CNTNAP5: variants seen among roughly 807,000 people sequenced by gnomAD.
CNTNAP5 encodes contactin-associated protein-like 5.
In CNTNAP5, 72 loss-of-function variants were observed where a neutral mutation model predicts 150.2. That is an observed-to-expected ratio of 0.48 (90% CI 0.40 to 0.58). The LOEUF (loss-of-function observed/expected upper bound fraction) is 0.58. Ranked by LOEUF, CNTNAP5 falls within the 20% of genes least tolerant of loss-of-function variation. The pLI, the probability that CNTNAP5 is intolerant of heterozygous loss-of-function variation, is 0.00. For missense variants in CNTNAP5, 1,636 were observed against 1,626.2 expected, an observed-to-expected ratio of 1.01 and a Z score of -0.10; for synonymous variants, 672 against 619.8, an observed-to-expected ratio of 1.08 and a Z score of -1.25.
chr2:124,130,769 C>CAACCCT (rs1683825297), intron 1 of CNTNAP5, among the ~76,000 whole-genome samples: 2 of 151,984 alleles, frequency 1.3e-5, no homozygotes, highest in South Asian at 2.1e-4. Flanking sequence ...ACTAGGCCAC[C>CAACCCT]AACCCTAATC....
chr2:124,238,743 C>T (rs570439754), intron 2 of CNTNAP5, among the ~76,000 whole-genome samples: 1 of 152,286 alleles, frequency 6.6e-6, no homozygotes, highest in Admixed American at 6.5e-5. Context: ...GTTATACCCC[C>T]AATTTAGAGA....
At chr2:124,525,656 T>G (rs1694947582) in intron 9 of CNTNAP5, among the ~76,000 whole-genome samples, 1 of 152,120 alleles carries the variant, frequency 6.6e-6, no homozygotes, top group Non-Finnish European at 1.5e-5. Flanking sequence ...TGGCTTGATT[T>G]TAGGGTGAGG....
At chr2:124,280,808 T>C (rs1687994434) in intron 3 of CNTNAP5, among the ~76,000 whole-genome samples, 1 of 152,126 alleles carries the variant, frequency 6.6e-6, no homozygotes, top group African/African-American at 2.4e-5. Context: ...TAAACAATTC[T>C]AAAAATAACA....
chr2:124,747,172 C>G, intron 13 of CNTNAP5, 57 bp from the exon 14 acceptor site: 1 of 1,551,136 alleles, frequency 6.4e-7, no homozygotes, highest in Non-Finnish European at 8.8e-7. Flanking sequence ...TCTGTGCCAT[C>G]CCCTGTGTTA....
chr2:124,415,833 A>T (rs1691904014), intron 3 of CNTNAP5, among the ~76,000 whole-genome samples: 1 of 152,138 alleles, frequency 6.6e-6, no homozygotes, highest in African/African-American at 2.4e-5. Flanking sequence ...TTATAATGAT[A>T]CATTTTTTGC....
chr2:124,227,082 C>T (rs897999997), intron 2 of CNTNAP5, among the ~76,000 whole-genome samples: 5 of 152,060 alleles, frequency 3.3e-5, no homozygotes, highest in South Asian at 2.1e-4. Flanking sequence ...ACAGGACAAA[C>T]GTTCAAGTTA....
intron 2 of CNTNAP5, among the ~76,000 whole-genome samples, chr2:124,230,736 T>A (rs1045506382): frequency 6.6e-6 from 1 of 152,110 alleles, no homozygotes; most frequent in South Asian, 2.1e-4. Context: ...TTCACCATAT[T>A]GGTCAGACTG....
intron 19 of CNTNAP5, among the ~76,000 whole-genome samples, chr2:124,815,125 A>G (rs1230047526): frequency 6.6e-6 from 1 of 152,210 alleles, no homozygotes; most frequent in Non-Finnish European, 1.5e-5. Context: ...ATAACTAAGT[A>G]AGCCTGGGTG....
intron 7 of CNTNAP5, among the ~76,000 whole-genome samples, chr2:124,491,565 A>G (rs1694028112): frequency 6.6e-6 from 1 of 152,108 alleles, no homozygotes; most frequent in Non-Finnish European, 1.5e-5. Flanking sequence ...GAGAGTGCGC[A>G]TATCTCTTTG....
intron 1 of CNTNAP5, among the ~76,000 whole-genome samples, chr2:124,192,154 T>G (rs1408625347): frequency 1.3e-5 from 2 of 152,200 alleles, no homozygotes; most frequent in African/African-American, 4.8e-5. Flanking sequence ...CCTGGGATCC[T>G]AGACTTTCTC....
chr2:124,285,335 T>G (rs1161195574), intron 3 of CNTNAP5, among the ~76,000 whole-genome samples: 1 of 152,190 alleles, frequency 6.6e-6, no homozygotes, highest in East Asian at 1.9e-4. Flanking sequence ...AGCTCCCTTT[T>G]CATAGAGTTA....
intron 3 of CNTNAP5, among the ~76,000 whole-genome samples, chr2:124,271,886 T>G (rs763763830): frequency 3.9e-5 from 6 of 152,004 alleles, no homozygotes; most frequent in Admixed American, 6.6e-5. Context: ...AGCTAATTTT[T>G]GTGTTTTTAG....
chr2:124,571,673 C>G (rs1381337451), intron 11 of CNTNAP5, among the ~76,000 whole-genome samples: 1 of 151,220 alleles, frequency 6.6e-6, no homozygotes, highest in African/African-American at 2.4e-5. Context: ...GCTAGGATTA[C>G]AGGCACAGGC....
intron 1 of CNTNAP5, among the ~76,000 whole-genome samples, chr2:124,162,542 C>T (rs1573802256): frequency 1.3e-5 from 2 of 152,232 alleles, no homozygotes; most frequent in East Asian, 3.9e-4. Flanking sequence ...AAACCCTTAT[C>T]ATTGATTTGG....
intron 4 of CNTNAP5, among the ~76,000 whole-genome samples, chr2:124,433,755 A>G (rs1692452323): frequency 6.6e-6 from 1 of 152,194 alleles, no homozygotes; most frequent in African/African-American, 2.4e-5. Flanking sequence ...TAGAATCTCT[A>G]TTAGATTTTT....
At chr2:124,584,784 A>G (rs188454653) in intron 11 of CNTNAP5, among the ~76,000 whole-genome samples, 1 of 152,370 alleles carries the variant, frequency 6.6e-6, no homozygotes, top group Non-Finnish European at 1.5e-5. Context: ...CCACTAGGAT[A>G]GCCCTTATTA....
At chr2:124,691,752 G>A (rs1679305125) in intron 13 of CNTNAP5, among the ~76,000 whole-genome samples, 1 of 151,876 alleles carries the variant, frequency 6.6e-6, no homozygotes, top group African/African-American at 2.4e-5. Flanking sequence ...CTGTGATCTG[G>A]AACTTCTGCA....
At chr2:124,524,865 G>A (rs1367304790) in intron 9 of CNTNAP5, among the ~76,000 whole-genome samples, 1 of 152,138 alleles carries the variant, frequency 6.6e-6, no homozygotes, top group Non-Finnish European at 1.5e-5. Flanking sequence ...AGCATGCTTA[G>A]CACCCAGGCC....
At chr2:124,227,770 G>T (rs1686500911) in intron 2 of CNTNAP5, among the ~76,000 whole-genome samples, 1 of 151,660 alleles carries the variant, frequency 6.6e-6, no homozygotes, top group Admixed American at 6.6e-5. Flanking sequence ...CATTTGGTGA[G>T]GGTGGGGGGA....
Sources: gnomAD v4.1 joint callset for allele counts (sites outside exome capture counted in the v4.1 genomes callset) on GRCh38, gnomAD v4.1.1 for gene constraint, MANE v1.5 for transcripts, NCBI Gene and HGNC (gene_info 2026-07-23, HGNC 2026-07-21) for gene names.